Variants in MAN2A1 observed in about 807,000 individuals in gnomAD.
MAN2A1 encodes the protein mannosidase alpha class 2A member 1.
A neutral mutation model predicts 142.6 loss-of-function variants in MAN2A1; 76 were observed. That is an observed-to-expected ratio of 0.53 (90% CI 0.44 to 0.65). The LOEUF (loss-of-function observed/expected upper bound fraction) is 0.65. MAN2A1 is among the 30% of genes least tolerant of loss of function. The pLI is 0.00. For synonymous variants in MAN2A1, 559 were observed against 473.2 expected (o/e 1.18, Z -2.35); for missense variants, 1,311 against 1,365.1 (o/e 0.96, Z 0.62).
At chr5:109,727,407 A>AG (rs1751775589) in intron 3 of MAN2A1, among the ~76,000 whole-genome samples, 2 of 152,094 alleles carry the variant, frequency 1.3e-5, no homozygotes, top group Admixed American at 1.3e-4. Flanking sequence ...ATGTAGGATT[A>AG]GGGCGTATCT....
At chr5:109,765,990 G>A (rs888119949) in intron 5 of MAN2A1, among the ~76,000 whole-genome samples, 3 of 151,968 alleles carry the variant, frequency 2.0e-5, no homozygotes, top group African/African-American at 4.8e-5. Flanking sequence ...GGTATGTAGA[G>A]GCCAAGATGT....
chr5:109,744,260 G>A (rs1301349165), intron 4 of MAN2A1, among the ~76,000 whole-genome samples: 1 of 152,004 alleles, frequency 6.6e-6, no homozygotes, highest in Non-Finnish European at 1.5e-5. Context: ...AATAATAAAG[G>A]GTTTTCTTCT....
At chr5:109,742,646 C>T (rs1252247598) in intron 4 of MAN2A1, among the ~76,000 whole-genome samples, 1 of 152,096 alleles carries the variant, frequency 6.6e-6, no homozygotes, top group Non-Finnish European at 1.5e-5. Flanking sequence ...ACGTTTTATA[C>T]AGGTTGGATT....
chr5:109,725,546 A>G (rs1451427187), intron 3 of MAN2A1, among the ~76,000 whole-genome samples: 1 of 152,056 alleles, frequency 6.6e-6, no homozygotes, highest in Non-Finnish European at 1.5e-5. Context: ...AGATTTCTGG[A>G]CCCTGGTACT....
At chr5:109,727,971 A>T (rs1751792033) in intron 3 of MAN2A1, among the ~76,000 whole-genome samples, 1 of 152,190 alleles carries the variant, frequency 6.6e-6, no homozygotes, top group South Asian at 2.1e-4. Context: ...AAATGTGGAA[A>T]AATTGAAGTA....
At chr5:109,769,763 C>G (rs760404505) in intron 6 of MAN2A1, among the ~76,000 whole-genome samples, 1 of 152,132 alleles carries the variant, frequency 6.6e-6, no homozygotes, top group South Asian at 2.1e-4. Context: ...GTCCCATTGA[C>G]TGACTCATTC....
At chr5:109,719,039 A>T (rs1407493576) in intron 3 of MAN2A1, among the ~76,000 whole-genome samples, 1 of 149,748 alleles carries the variant, frequency 6.7e-6, no homozygotes, top group African/African-American at 2.5e-5. Flanking sequence ...AACAGGCAAT[A>T]ATAAGCTCTT....
At chr5:109,782,825 G>T (rs186020436) in intron 9 of MAN2A1, among the ~76,000 whole-genome samples, 4 of 152,080 alleles carry the variant, frequency 2.6e-5, no homozygotes, top group South Asian at 2.1e-4. Flanking sequence ...TGGAGTACAT[G>T]TGATATTTTG....
chr5:109,848,509 G>C (rs1477069179), intron 19 of MAN2A1, among the ~76,000 whole-genome samples: 1 of 152,078 alleles, frequency 6.6e-6, no homozygotes, highest in Non-Finnish European at 1.5e-5. Context: ...ACTTTATAGA[G>C]AGAACAGCCA....
chr5:109,723,964 C>T (rs1466606201), intron 3 of MAN2A1, among the ~76,000 whole-genome samples: 1 of 151,974 alleles, frequency 6.6e-6, no homozygotes, highest in Admixed American at 6.6e-5. Flanking sequence ...TATTGCTTTG[C>T]CCTTATTAGA....
intron 16 of MAN2A1, among the ~76,000 whole-genome samples, chr5:109,837,970 T>C (rs888523161): frequency 6.6e-6 from 1 of 151,944 alleles, no homozygotes; most frequent in South Asian, 2.1e-4. Context: ...GTACTTACCA[T>C]GTACCCCAAA....
rs1052290555 is a variant in MAN2A1, at chr5:109,763,502, G to T, written c.836-4033G>T. 2.7e-5 allele frequency among the ~76,000 whole-genome samples: 4 copies of T among 149,618 alleles called. No homozygotes were observed. The East Asian group carries it at 7.8e-4, about 29-fold the overall frequency. ...TGTTTTCTTTTTTTTTTATTTTTAA[G>T]TTTTTTTTAAAATTTATTTTAGTAT... On this transcript the variant is annotated intron_variant, in intron 5 of 21. Coordinates refer to ENST00000261483, the MANE Select transcript of MAN2A1 (RefSeq NM_002372.4).
intron 4 of MAN2A1, among the ~76,000 whole-genome samples, chr5:109,730,379 T>G (rs1410915118): frequency 6.6e-6 from 1 of 152,124 alleles, no homozygotes; most frequent in East Asian, 1.9e-4. Flanking sequence ...ATTTTCATCT[T>G]TTAGTGTTTG....
In MAN2A1 at chr5:109,809,492, T is replaced by C. The variant is rs369036807; in HGVS notation, c.1944-7781T>C. Among the ~76,000 whole-genome samples the C allele has an allele frequency of 1.3e-4, 20 of 152,300 alleles. No homozygotes were observed. The East Asian group carries it at 2.3e-3, about 18-fold the overall frequency. ...TTCTCTGAAGGCATTTTTATCATTT[T>C]CTAAGGATATTTTTGCTGGATATAG... On this transcript the variant is annotated intron_variant, in intron 12 of 21. Coordinates refer to ENST00000261483, the MANE Select transcript of MAN2A1 (RefSeq NM_002372.4).
chr5:109,819,715 A>G lies in MAN2A1; in HGVS notation c.2156A>G (p.Lys719Arg). ...HIPPLGLKVYKILESASSNSH... is the reference protein window; with the variant it reads ...HIPPLGLKVYRILESASSNSH... ...CCGCCATTGGGACTGAAAGTGTATA[A>G]GATTTTGGAATCAGCAAGTTCAAAT... The change falls in exon 14 of 22, where the codon AAG (lysine) becomes AGG (arginine). Residue 719 changes from lysine (K) to arginine (R), a missense_variant. Lys to Arg is a conservative substitution (Grantham distance 26). Coordinates refer to ENST00000261483, the MANE Select transcript of MAN2A1 (RefSeq NM_002372.4). 6.2e-7 allele frequency: 1 copy of G among 1,612,286 alleles called. No individual in the cohort carries two copies. The highest frequency in any genetic ancestry group is 8.5e-7 in the Non-Finnish European group (1 of 1,179,254).
At chr5:109,749,484 A>T (rs944943190) in intron 4 of MAN2A1, among the ~76,000 whole-genome samples, 2 of 152,158 alleles carry the variant, frequency 1.3e-5, no homozygotes, top group Non-Finnish European at 2.9e-5. Context: ...AAGTCAACTC[A>T]GTGTAAAAAG....
At chr5:109,851,798 T>G (rs1354756035) in intron 19 of MAN2A1, among the ~76,000 whole-genome samples, 1 of 152,114 alleles carries the variant, frequency 6.6e-6, no homozygotes, top group Admixed American at 6.6e-5. Context: ...AGTGTTCAAG[T>G]GTTAAAATTG....
rs375108214 is a variant in MAN2A1 at position 109,770,554 on chromosome 5, G to A, written c.1196+13G>A. On this transcript the variant is annotated intron_variant, in intron 7 of 21. Coordinates refer to ENST00000261483, the MANE Select transcript of MAN2A1 (RefSeq NM_002372.4). Reference sequence around the variant, plus strand: ...ATGTCCAAAGCAGGTATGAAAATGCGTATTTCATAAGACAACATCTTGAAT... The same window carrying A: ...ATGTCCAAAGCAGGTATGAAAATGCATATTTCATAAGACAACATCTTGAAT... 7.3e-5 allele frequency: 118 copies of A among 1,609,270 alleles called. 1 individual carries two copies. Among genetic ancestry groups the A allele is most frequent in the African/African-American group, 2.1e-4 (16 of 74,784 alleles).
At chr5:109,713,892 T>G in intron 2 of MAN2A1, 118 bp downstream of exon 2, 2 of 912,848 alleles carry the variant, frequency 2.2e-6, no homozygotes, top group South Asian at 3.8e-5. Flanking sequence ...TTCTAGTTTC[T>G]CTTTTTGTAA....
Sources: gnomAD v4.1 joint callset for allele counts (sites outside exome capture counted in the v4.1 genomes callset) on GRCh38, gnomAD v4.1.1 for gene constraint, MANE v1.5 for transcripts, NCBI Gene and HGNC (gene_info 2026-07-23, HGNC 2026-07-21) for gene names.